MYO3B: variants seen among roughly 807,000 people sequenced by gnomAD.
MYO3B encodes myosin IIIB.
MYO3B carries 156 observed loss-of-function variants against 174.6 expected under a neutral mutation model. The ratio of observed to expected loss-of-function variants is 0.89; its 90% CI spans 0.78 to 1.02. MYO3B has a LOEUF of 1.02. Among genes scored for constraint, MYO3B ranks in the 50% least tolerant of loss-of-function variants. The pLI, the probability that MYO3B is intolerant of heterozygous loss-of-function variation, is 0.00. For missense variants in MYO3B, 1,632 were observed against 1,639.4 expected, an observed-to-expected ratio of 1.00 and a Z score of 0.08; for synonymous variants, 563 against 569.1, an observed-to-expected ratio of 0.99 and a Z score of 0.15.
rs1012663844 is a variant in MYO3B, at chr2:170,483,580, G to T, written c.3015-15012G>T. 2.2e-4 allele frequency among the ~76,000 whole-genome samples: 28 copies of T among 125,722 alleles called. No individual in the cohort carries two copies. The East Asian group carries it at 5.4e-3, about 24-fold the overall frequency. The allele number at this position is 125,722 out of a possible 152,430, so 82.5% of individuals were successfully genotyped here. ...TTTTTGTATTTTTAGTAGAGACGGG[G>T]TTTCACCGTGTTAGCCAGGATGGTC... is the stretch of plus-strand genomic sequence containing the variant. On this transcript the variant is annotated intron_variant, in intron 25 of 34. Coordinates refer to ENST00000408978, the MANE Select transcript of MYO3B (RefSeq NM_138995.5).
rs528477859 is a variant in MYO3B, at chr2:170,645,528, A to ATAAAC, written c.3734-6096_3734-6092dup. Among the ~76,000 whole-genome samples the ATAAAC allele has an allele frequency of 1.5e-3, 228 of 152,056 alleles. 3 individuals carry two copies. Among genetic ancestry groups the ATAAAC allele is most frequent in the Non-Finnish European group, 2.2e-3 (152 of 67,988 alleles). ...AACTTGAGTTGCCCAGTTTCTCTAC[A>ATAAAC]TAAACTAATCAAACGAACTAGGTAA... On this transcript the variant is annotated intron_variant, in intron 32 of 34. Coordinates refer to ENST00000408978, the MANE Select transcript of MYO3B (RefSeq NM_138995.5).
chr2:170,453,303 A>C (rs978796714), intron 23 of MYO3B, among the ~76,000 whole-genome samples: 1 of 152,090 alleles, frequency 6.6e-6, no homozygotes, highest in African/African-American at 2.4e-5. Context: ...AATTCTTTGC[A>C]CAAAGTACAC....
intron 6 of MYO3B, among the ~76,000 whole-genome samples, chr2:170,225,074 A>G (rs760388626): frequency 8.5e-5 from 13 of 152,252 alleles, no homozygotes; most frequent in Non-Finnish European, 1.5e-4. Context: ...TATTGTCATT[A>G]TTACCATTTT....
chr2:170,186,597 C>T (rs780782351), intron 1 of MYO3B, among the ~76,000 whole-genome samples: 26 of 151,876 alleles, frequency 1.7e-4, no homozygotes, highest in Non-Finnish European at 2.4e-4. Flanking sequence ...TTTTGATGTG[C>T]CTTTGTCAGG....
intron 7 of MYO3B, among the ~76,000 whole-genome samples, chr2:170,271,818 T>C (rs1342583881): frequency 2.6e-5 from 4 of 152,216 alleles, no homozygotes; most frequent in South Asian, 2.1e-4. Context: ...ACTGATACTA[T>C]AGTGGGCTTC....
At chr2:170,185,927 T>C (rs1468141586) in intron 1 of MYO3B, among the ~76,000 whole-genome samples, 1 of 152,184 alleles carries the variant, frequency 6.6e-6, no homozygotes, top group Non-Finnish European at 1.5e-5. Context: ...TCTTGATTTC[T>C]TTTTCCAGTT....
intron 7 of MYO3B, among the ~76,000 whole-genome samples, chr2:170,254,330 G>A (rs1456010136): frequency 2.6e-5 from 4 of 152,104 alleles, no homozygotes; most frequent in African/African-American, 7.2e-5. Flanking sequence ...GCAAAACACC[G>A]TAGACGCCCA....
intron 32 of MYO3B, among the ~76,000 whole-genome samples, chr2:170,553,541 A>G (rs1436702579): frequency 6.7e-6 from 1 of 149,298 alleles, no homozygotes; most frequent in Non-Finnish European, 1.5e-5. Context: ...TGTATCTTAG[A>G]AGTAACTAAC....
At chr2:170,332,810 T>C (rs2093921163) in intron 7 of MYO3B, among the ~76,000 whole-genome samples, 1 of 152,166 alleles carries the variant, frequency 6.6e-6, no homozygotes, top group Non-Finnish European at 1.5e-5. Context: ...CCTTTGCATA[T>C]TTCCTGCTGA....
At chr2:170,529,104 A>G (rs1053555698) in intron 30 of MYO3B, among the ~76,000 whole-genome samples, 3 of 152,188 alleles carry the variant, frequency 2.0e-5, no homozygotes, top group African/African-American at 7.2e-5. Flanking sequence ...TTTTAGTATG[A>G]TATTTTTAGC....
chr2:170,584,558 T>A (rs1418381764), intron 32 of MYO3B, among the ~76,000 whole-genome samples: 1 of 152,248 alleles, frequency 6.6e-6, no homozygotes, highest in African/African-American at 2.4e-5. Context: ...TTCATGTTTT[T>A]TCCCCCATTA....
intron 7 of MYO3B, among the ~76,000 whole-genome samples, chr2:170,330,637 T>G (rs573580264): frequency 6.6e-6 from 1 of 152,178 alleles, no homozygotes; most frequent in Non-Finnish European, 1.5e-5. Flanking sequence ...TGACCCACCA[T>G]GTATGTGTGT....
At position 170,422,262 on chromosome 2, in the gene MYO3B, G is replaced by A. The variant is rs546951874; in HGVS notation, c.2650+14418G>A. 2.7e-4 allele frequency among the ~76,000 whole-genome samples: 41 copies of A among 152,234 alleles called. No homozygotes were observed. In the South Asian group the frequency reaches 7.9e-3, roughly 29 times the overall value. ...CTGTTGCCAAGGCTGGAGTACAGTG[G>A]TATCATCATAGCTCACTGCAGCCTG... On this transcript the variant is annotated intron_variant, in intron 22 of 34. Transcript: ENST00000408978.
intron 3 of MYO3B, among the ~76,000 whole-genome samples, chr2:170,213,198 ACTC>A (rs1398533640): frequency 6.6e-6 from 1 of 151,896 alleles, no homozygotes; most frequent in East Asian, 1.9e-4. Flanking sequence ...CGCAGACAAA[ACTC>A]CTCAGACACC....
chr2:170,582,237 G>T (rs1006410274), intron 32 of MYO3B, among the ~76,000 whole-genome samples: 4 of 152,216 alleles, frequency 2.6e-5, no homozygotes, highest in Non-Finnish European at 5.9e-5. Flanking sequence ...AAAGGGATAG[G>T]AGCTTCTGGG....
chr2:170,289,008 A>ATT (rs2093577079), intron 7 of MYO3B, among the ~76,000 whole-genome samples: 1 of 152,120 alleles, frequency 6.6e-6, no homozygotes, highest in Non-Finnish European at 1.5e-5. Context: ...GTTGTATTAC[A>ATT]TTTATTAATT....
chr2:170,622,396 A>G (rs1015649452), intron 32 of MYO3B, among the ~76,000 whole-genome samples: 2 of 152,226 alleles, frequency 1.3e-5, no homozygotes, highest in African/African-American at 4.8e-5. Flanking sequence ...TAAATATCAT[A>G]TAAAGTGATA....
At chr2:170,598,713 A>G (rs1003485410) in intron 32 of MYO3B, among the ~76,000 whole-genome samples, 64 of 152,164 alleles carry the variant, frequency 4.2e-4, no homozygotes, top group African/African-American at 1.4e-3. Flanking sequence ...ACATGGCCCA[A>G]ATTTGTATGA....
chr2:170,543,998 A>C lies in MYO3B; in HGVS notation c.3733+10A>C, dbSNP rs1259805434. On this transcript the variant is annotated intron_variant, in intron 32 of 34. Transcript: ENST00000408978. ...GCCCCTCAAAAGCCTGGTAAGAAGAACGTTTTGAATTGCATGCGGCTTCTA... is the reference window on the plus strand; with the variant it reads ...GCCCCTCAAAAGCCTGGTAAGAAGACCGTTTTGAATTGCATGCGGCTTCTA... 6.3e-7 allele frequency: 1 copy of C among 1,599,836 alleles called. No individual in the cohort carries two copies. The highest frequency in any genetic ancestry group is 8.6e-7 in the Non-Finnish European group (1 of 1,167,906).
Sources: gnomAD v4.1 joint callset for allele counts (sites outside exome capture counted in the v4.1 genomes callset) on GRCh38, gnomAD v4.1.1 for gene constraint, MANE v1.5 for transcripts, NCBI Gene and HGNC (gene_info 2026-07-23, HGNC 2026-07-21) for gene names.